PCDHGB1: variants seen among roughly 807,000 people sequenced by gnomAD.
PCDHGB1 encodes the protein protocadherin gamma subfamily B, 1.
A neutral mutation model predicts 56.6 loss-of-function variants in PCDHGB1; 34 were observed. The observed-to-expected ratio is 0.60, with a 90% CI of 0.46 to 0.80. The LOEUF is 0.80. Ranked by LOEUF, PCDHGB1 falls within the 30% of genes least tolerant of loss-of-function variation. PCDHGB1 has a pLI of 0.00. For missense variants in PCDHGB1, 1,278 were observed against 1,204.6 expected, an observed-to-expected ratio of 1.06 and a Z score of -0.90; for synonymous variants, 561 against 505.9, an observed-to-expected ratio of 1.11 and a Z score of -1.46.
chr5:141,390,212 C>T (rs2150413972), intron 1 of PCDHGB1: 1 of 1,614,058 alleles, frequency 6.2e-7, no homozygotes, highest in African/African-American at 1.3e-5. Flanking sequence ...CAGGACAAGA[C>T]ATACTTTGCG....
At chr5:141,394,557 G>T in intron 1 of PCDHGB1, 1 of 1,614,082 alleles carries the variant, frequency 6.2e-7, no homozygotes, top group South Asian at 1.1e-5. Context: ...GCCCCGCTCC[G>T]CAGAGCGTGG....
rs936750924 is a variant in PCDHGB1, at chr5:141,418,950, T to A, written c.2409+66281T>A. On this transcript the variant is annotated intron_variant, in intron 1 of 3. Transcript: ENST00000523390. ...ATTATGGAGGATTCCCCTCCAGGAG[T>A]GGTTGTTGCCCTCTTCAAAACACGG... 23 of 1,613,742 alleles carry A rather than the reference T, an allele frequency of 1.4e-5. No individual in the cohort carries two copies. Among genetic ancestry groups the A allele is most frequent in the Non-Finnish European group, 1.9e-5 (23 of 1,179,860 alleles).
At chr5:141,410,445 T>A in intron 1 of PCDHGB1, 1 of 1,614,060 alleles carries the variant, frequency 6.2e-7, no homozygotes. Flanking sequence ...GAGGGGACTT[T>A]GCCTTATTCT....
chr5:141,455,919 A>T, intron 1 of PCDHGB1, among the ~76,000 whole-genome samples: 1 of 145,568 alleles, frequency 6.9e-6, no homozygotes, highest in Non-Finnish European at 1.5e-5. Context: ...TTATTTTGAG[A>T]CGGAGTCTCG....
chr5:141,427,034 A>G (rs762633589), intron 1 of PCDHGB1: 7 of 457,110 alleles, frequency 1.5e-5, no homozygotes, highest in Non-Finnish European at 2.6e-5. Flanking sequence ...TCAGCCTTAG[A>G]GAGAATGTGC....
chr5:141,486,400 T>G lies in PCDHGB1; in HGVS notation c.2410-8407T>G. On this transcript the variant is annotated intron_variant, in intron 1 of 3. Transcript: ENST00000523390. This position sits in a 1 kb window ranked among gnomAD's most constrained non-coding sequence, Gnocchi z 5.0. Reference sequence around the variant, plus strand: ...TCAGGAACCAGTTCTCCCTGGTGACTGCTGGACCCTTGGATCGAGAGGCCA... The same window carrying G: ...TCAGGAACCAGTTCTCCCTGGTGACGGCTGGACCCTTGGATCGAGAGGCCA... 5.0e-6 allele frequency: 8 copies of G among 1,614,194 alleles called. No homozygotes were observed. The highest frequency in any genetic ancestry group is 6.8e-6 in the Non-Finnish European group (8 of 1,180,028).
Position 141,360,292 on chromosome 5 carries a change from G to A in PCDHGB1, c.2409+7623G>A, listed in dbSNP as rs575305955. On this transcript the variant is annotated intron_variant, in intron 1 of 3. Coordinates refer to ENST00000523390, the MANE Select transcript of PCDHGB1 (RefSeq NM_018922.3). ...CTCGGTCGTAGGAAACCTCGCCAAG[G>A]ATCTGGGGCTCAGCGTCCGGGACTT... 1.9e-6 allele frequency: 3 copies of A among 1,613,988 alleles called. No individual in the cohort carries two copies. In the East Asian group the frequency reaches 6.7e-5, roughly 36 times the overall value.
At chr5:141,386,989 G>A (rs1354556956) in intron 1 of PCDHGB1, among the ~76,000 whole-genome samples, 1 of 152,156 alleles carries the variant, frequency 6.6e-6, no homozygotes, top group East Asian at 1.9e-4. Context: ...TTGAGGCTAT[G>A]TATTATCCCC....
rs756330109 is a variant in PCDHGB1, at chr5:141,432,621, T to A, written c.2410-62186T>A. ...GAGCCGGGACTCTTCTCGGTGGGTC[T>A]GCACACGGGCGAGGTGCGCACGGCG... On this transcript the variant is annotated intron_variant, in intron 1 of 3. Transcript: ENST00000523390. This position sits in a 1 kb window ranked among gnomAD's most constrained non-coding sequence, Gnocchi z 6.0. The A allele has an allele frequency of 3.1e-6, 5 of 1,612,942 alleles. No homozygotes were observed. Among genetic ancestry groups the A allele is most frequent in the Admixed American group, 1.7e-5 (1 of 59,962 alleles).
chr5:141,420,187 C>G (rs1369031488), intron 1 of PCDHGB1: 1 of 1,613,706 alleles, frequency 6.2e-7, no homozygotes, highest in East Asian at 2.2e-5. Context: ...ATTGTCCAGC[C>G]ACACAAGATA....
At chr5:141,461,592 A>G (rs777372149) in intron 1 of PCDHGB1, among the ~76,000 whole-genome samples, 4 of 152,148 alleles carry the variant, frequency 2.6e-5, no homozygotes, top group African/African-American at 2.4e-5. Flanking sequence ...TTATATTTCC[A>G]TTATAATTTA....
chr5:141,410,797 CTCTA>C (rs375585060), intron 1 of PCDHGB1: 18 of 676,000 alleles, frequency 2.7e-5, no homozygotes, highest in Middle Eastern at 9.7e-4. Context: ...TCATAAGTTG[CTCTA>C]TCTTTTTGTA....
chr5:141,421,880 G>A (rs761272704), intron 1 of PCDHGB1: 3 of 1,613,600 alleles, frequency 1.9e-6, no homozygotes, highest in East Asian at 4.5e-5. Flanking sequence ...GCTTTAGATG[G>A]AGGCGATCCC....
chr5:141,419,248 AAAC>A (rs1229992972), intron 1 of PCDHGB1: 1 of 1,613,980 alleles, frequency 6.2e-7, no homozygotes, highest in Admixed American at 1.7e-5. Context: ...ACGTGCCAGA[AAAC>A]AACCAGCCGG....
In PCDHGB1 at chr5:141,495,260, G is replaced by A. The variant is rs368797742; in HGVS notation, c.2468+395G>A. On this transcript the variant is annotated intron_variant, in intron 2 of 3. Transcript: ENST00000523390. ...TATGACCTGGGGCTCAGGCAGAAAA[G>A]CATTTGACCGGAGGAGGCGGTCCGC... Among the ~76,000 whole-genome samples the A allele has an allele frequency of 3.3e-5, 5 of 152,208 alleles. No individual in the cohort carries two copies. The East Asian group carries it at 5.8e-4, about 18-fold the overall frequency.
chr5:141,384,294 C>T, intron 1 of PCDHGB1: 1 of 1,613,864 alleles, frequency 6.2e-7, no homozygotes. Context: ...CTGAGAACAA[C>T]CCCAGAGGGG....
chr5:141,389,424 G>A lies in PCDHGB1; in HGVS notation c.2409+36755G>A, dbSNP rs746873845. 51 of 1,613,390 alleles carry A rather than the reference G, an allele frequency of 3.2e-5. No homozygotes were observed. Among genetic ancestry groups the A allele is most frequent in the East Asian group, 8.9e-5 (4 of 44,896 alleles). The stretch of plus-strand genomic sequence containing the variant: ...AAGCGCGGAGAGCGGGGTGGTGTTC[G>A]CGCAGCGCGCCTTCGACCACGAGCA... On this transcript the variant is annotated intron_variant, in intron 1 of 3. Transcript: ENST00000523390.
chr5:141,365,586 A>G lies in PCDHGB1; in HGVS notation c.2409+12917A>G, dbSNP rs757726887. 5 of 1,613,564 alleles carry G rather than the reference A, an allele frequency of 3.1e-6. No individual in the cohort carries two copies. In the Admixed American group the frequency reaches 6.7e-5, roughly 22 times the overall value. On this transcript the variant is annotated intron_variant, in intron 1 of 3. Transcript: ENST00000523390. ...GACAGAGAAGAGACTTCAGATTATA[A>G]TATCACTTTAACCGTCATGGACCAT... is the stretch of plus-strand genomic sequence containing the variant.
chr5:141,350,357 T>A lies in PCDHGB1; in HGVS notation c.97T>A (p.Tyr33Asn). 1.3e-6 allele frequency: 2 copies of A among 1,568,848 alleles called. No individual in the cohort carries two copies. The highest frequency in any genetic ancestry group is 1.7e-6 in the Non-Finnish European group (2 of 1,157,140). Residue 33 changes from tyrosine to asparagine, a missense_variant, in exon 1 of 4, where the codon TAC (tyrosine) becomes AAC (asparagine). Coordinates refer to ENST00000523390, the MANE Select transcript of PCDHGB1 (RefSeq NM_018922.3). ...FCGAISQQIRYTIPEELANGS... is the reference protein window; with the variant it reads ...FCGAISQQIRNTIPEELANGS... ...CGGGGCCATCTCCCAGCAGATCCGA[T>A]ACACGATTCCAGAGGAGCTAGCCAA... is the stretch of plus-strand genomic sequence containing the variant.
Sources: gnomAD v4.1 joint callset for allele counts (sites outside exome capture counted in the v4.1 genomes callset) on GRCh38, gnomAD v4.1.1 for gene constraint, Gnocchi (gnomAD v3.1) non-coding constraint, MANE v1.5 for transcripts, NCBI Gene and HGNC (gene_info 2026-07-23, HGNC 2026-07-21) for gene names.